Variants in TESC observed in about 807,000 individuals in gnomAD.
TESC encodes calcineurin B homologous protein 3.
TESC carries 19 observed loss-of-function variants against 31.0 expected under a neutral mutation model. That is an observed-to-expected ratio of 0.61 (90% CI 0.43 to 0.90). TESC has a LOEUF of 0.90. TESC is among the 40% of genes least tolerant of loss of function. The pLI is 0.00. For synonymous variants in TESC, 109 were observed against 114.8 expected (o/e 0.95, Z 0.32); for missense variants, 248 against 303.8 (o/e 0.82, Z 1.36).
In TESC at chr12:117,099,221, T is replaced by G. The variant is rs919066264; in HGVS notation, c.58+4A>C. The G allele has an allele frequency of 4.0e-6, 6 of 1,481,876 alleles. No homozygotes were observed. The highest frequency in any genetic ancestry group is 5.3e-6 in the Non-Finnish European group (6 of 1,124,004). 91.8% of individuals were successfully genotyped at this position (1,481,876 alleles called of 1,614,324 possible). A position where few individuals can be genotyped will look rare whatever the true frequency, so the allele number is the denominator to read the frequency against. ...TCCCCGCGCCGCCCCCCGCGGGTACTCACAGCCGGTCTTGCCCTCGAGCTC... is the reference window on the plus strand; with the variant it reads ...TCCCCGCGCCGCCCCCCGCGGGTACGCACAGCCGGTCTTGCCCTCGAGCTC... On this transcript the variant is annotated splice_donor_region_variant and intron_variant, in intron 1 of 7. Coordinates refer to ENST00000335209, the MANE Select transcript of TESC (RefSeq NM_017899.4).
At chr12:117,054,232 G>A (rs895397513) in intron 3 of TESC, among the ~76,000 whole-genome samples, 1 of 151,894 alleles carries the variant, frequency 6.6e-6, no homozygotes, top group African/African-American at 2.4e-5. Context: ...ACTCCTCCCT[G>A]GCCTCCACCT....
intron 2 of TESC, among the ~76,000 whole-genome samples, chr12:117,057,311 G>A (rs1954739573): frequency 3.3e-5 from 5 of 152,022 alleles, no homozygotes; most frequent in African/African-American, 1.2e-4. Flanking sequence ...TGTTGCCCTG[G>A]CTGGTCTTGA....
chr12:117,049,095 G>T lies in TESC; in HGVS notation c.273C>A (p.Ile91=), dbSNP rs550237149. The change falls in exon 4 of 8, where the codon ATC becomes ATA. Residue 91 remains isoleucine (I), a synonymous_variant. Coordinates refer to ENST00000335209, the MANE Select transcript of TESC (RefSeq NM_017899.4). ...DEINFEDFLT[I]MSYFRPIDTT... is the part of the protein sequence containing the mutation. ...TGTCGATGGGCCGGAAGTAGGACAT[G>T]ATGGTCAGGAAGTCCTCGAAATTGA... 1 of 1,614,256 alleles carries T rather than the reference G, an allele frequency of 6.2e-7. No individual in the cohort carries two copies. The highest frequency in any genetic ancestry group is 1.1e-5 in the South Asian group (1 of 91,082).
intron 1 of TESC, among the ~76,000 whole-genome samples, chr12:117,088,235 GA>G (rs1343976260): frequency 6.6e-6 from 1 of 152,102 alleles, no homozygotes; most frequent in African/African-American, 2.4e-5. Flanking sequence ...GATGAAGGGG[GA>G]AAAAAGCAAC....
chr12:117,089,184 C>T (rs12315321), intron 1 of TESC, among the ~76,000 whole-genome samples: 34,550 of 152,124 alleles, frequency 0.23, 4,734 homozygotes, highest in African/African-American at 0.39. Context: ...GAGCCACACA[C>T]TGGTGAAAAA....
At position 117,061,599 on chromosome 12, in the gene TESC, G is replaced by C. The variant is rs560189880; in HGVS notation, c.129-4713C>G. On this transcript the variant is annotated intron_variant, in intron 2 of 7. Transcript: ENST00000335209. Reference sequence around the variant, plus strand: ...GGGGACACAGTGTCCCCAGGTGCTGGCTTCACAACCCCCAGTGGGTGTGTA... The same window carrying C: ...GGGGACACAGTGTCCCCAGGTGCTGCCTTCACAACCCCCAGTGGGTGTGTA... Among the ~76,000 whole-genome samples the C allele has an allele frequency of 1.7e-4, 26 of 152,152 alleles. No individual in the cohort carries two copies. The South Asian group carries it at 5.4e-3, about 32-fold the overall frequency.
intron 3 of TESC, among the ~76,000 whole-genome samples, chr12:117,055,229 C>T (rs1415583058): frequency 6.6e-6 from 1 of 152,182 alleles, no homozygotes; most frequent in Non-Finnish European, 1.5e-5. Context: ...GCAACCTCCA[C>T]CTCCCGAGTT....
At chr12:117,072,906 T>C (rs1468619049) in intron 2 of TESC, among the ~76,000 whole-genome samples, 1 of 152,314 alleles carries the variant, frequency 6.6e-6, no homozygotes, top group East Asian at 1.9e-4. Flanking sequence ...GCTTCCCAAG[T>C]AGCCAGAGCT....
At chr12:117,078,530 A>C (rs942423203) in intron 1 of TESC, among the ~76,000 whole-genome samples, 1 of 151,650 alleles carries the variant, frequency 6.6e-6, no homozygotes, top group Non-Finnish European at 1.5e-5. Context: ...TTTTGTTTAA[A>C]GTATACCTTT....
chr12:117,041,914 G>A, intron 7 of TESC, 33 bp downstream of exon 7: 4 of 1,563,218 alleles, frequency 2.6e-6, no homozygotes, highest in Non-Finnish European at 3.5e-6. Flanking sequence ...GTCTTCAAGG[G>A]TCCCCCGAGG....
At position 117,081,330 on chromosome 12, in the gene TESC, G is replaced by A. The variant is rs544551919; in HGVS notation, c.59-5990C>T. On this transcript the variant is annotated intron_variant, in intron 1 of 7. Transcript: ENST00000335209. Reference sequence around the variant, plus strand: ...AAATGATCATTTTTAAATATAATGGGCTAAATAAAATACACTATTAAAATT... The same window carrying A: ...AAATGATCATTTTTAAATATAATGGACTAAATAAAATACACTATTAAAATT... Among the ~76,000 whole-genome samples, 7 of 152,120 alleles carry A rather than the reference G, an allele frequency of 4.6e-5. No homozygotes were observed. In the South Asian group the frequency reaches 1.5e-3, roughly 32 times the overall value.
At chr12:117,044,076 T>C (rs899274715) in intron 6 of TESC, among the ~76,000 whole-genome samples, 1 of 152,018 alleles carries the variant, frequency 6.6e-6, no homozygotes, top group African/African-American at 2.4e-5. Flanking sequence ...TGACATCTCT[T>C]TTTAGCAAAA....
chr12:117,092,339 G>A (rs1955324079), intron 1 of TESC, among the ~76,000 whole-genome samples: 1 of 152,204 alleles, frequency 6.6e-6, no homozygotes, highest in Admixed American at 6.5e-5. Flanking sequence ...GACAGATGGT[G>A]AGATGATGGG....
At chr12:117,077,358 A>G (rs1955087886) in intron 1 of TESC, among the ~76,000 whole-genome samples, 1 of 152,224 alleles carries the variant, frequency 6.6e-6, no homozygotes, top group South Asian at 2.1e-4. Flanking sequence ...AAATATGGCC[A>G]TTTAGATCAT....
At chr12:117,091,945 T>C (rs1318664932) in intron 1 of TESC, among the ~76,000 whole-genome samples, 3 of 152,210 alleles carry the variant, frequency 2.0e-5, no homozygotes, top group African/African-American at 7.2e-5. Context: ...GTTCTCGGCA[T>C]GCGGGAGAGG....
At chr12:117,048,935 C>A (rs1954607083) in intron 4 of TESC, 84 bp downstream of exon 4, 2 of 1,596,744 alleles carry the variant, frequency 1.3e-6, no homozygotes, top group South Asian at 1.1e-5. Flanking sequence ...CAGCCTCCTG[C>A]TGCAGAGGCG....
intron 2 of TESC, among the ~76,000 whole-genome samples, chr12:117,066,508 A>AC (rs762038571): frequency 2.0e-4 from 30 of 151,774 alleles, no homozygotes; most frequent in Non-Finnish European, 4.0e-4. Flanking sequence ...AGTAACTGGA[A>AC]CCACAGGCAC....
intron 1 of TESC, among the ~76,000 whole-genome samples, chr12:117,079,502 C>T (rs1334251686): frequency 6.6e-6 from 1 of 151,430 alleles, no homozygotes. Flanking sequence ...GCGGAGGTTG[C>T]AGTGAGCCAA....
At chr12:117,048,459 T>C (rs1954599706) in intron 4 of TESC, among the ~76,000 whole-genome samples, 1 of 152,094 alleles carries the variant, frequency 6.6e-6, no homozygotes. Flanking sequence ...AAAGGAGATG[T>C]GACTCGGGGC....
Sources: gnomAD v4.1 joint callset for allele counts (sites outside exome capture counted in the v4.1 genomes callset) on GRCh38, gnomAD v4.1.1 for gene constraint, MANE v1.5 for transcripts, NCBI Gene and HGNC (gene_info 2026-07-23, HGNC 2026-07-21) for gene names.